NCOA5: variants seen among roughly 807,000 people sequenced by gnomAD.
The protein encoded by NCOA5 is nuclear receptor coactivator 5, also known as NCoA-5.
In NCOA5, 12 loss-of-function variants were observed where a neutral mutation model predicts 59.0. The ratio of observed to expected loss-of-function variants is 0.20; its 90% CI spans 0.13 to 0.33. NCOA5 has a LOEUF of 0.33. Ranked by LOEUF, NCOA5 falls within the 10% of genes least tolerant of loss-of-function variation. The pLI, the probability that NCOA5 is intolerant of heterozygous loss-of-function variation, is 1.00. For missense variants in NCOA5, 655 were observed against 766.6 expected (o/e 0.85, Z 1.72); for synonymous variants, 270 against 275.5 (o/e 0.98, Z 0.20).
In NCOA5 at chr20:46,065,186, G is replaced by A. The variant is rs1790421155; in HGVS notation, c.672C>T (p.Gly224=). The change falls in exon 6 of 8, where the codon GGC becomes GGT. Residue 224 remains glycine, a synonymous_variant. Transcript: ENST00000290231. ...TAAGGAAGATCAAGTCCACTACCAT[G>A]CCCAGGTCTCGCACCTTCCGCCCCA... ...ESVGRKVRDL[G]MVVDLIFLNT... 1 of 1,614,150 alleles carries A rather than the reference G, an allele frequency of 6.2e-7. No homozygotes were observed. The highest frequency in any genetic ancestry group is 8.5e-7 in the Non-Finnish European group (1 of 1,180,026).
rs765493569 is a variant in NCOA5, at chr20:46,062,834, C to T, written c.1206G>A (p.Gln402=). The T allele has an allele frequency of 1.9e-5, 29 of 1,535,764 alleles. No individual in the cohort carries two copies. In the South Asian group the frequency reaches 3.2e-4, roughly 17 times the overall value. Residue 402 remains glutamine (Q), a synonymous_variant, in exon 8 of 8, where the codon CAG becomes CAA. Coordinates refer to ENST00000290231, the MANE Select transcript of NCOA5 (RefSeq NM_020967.3). ...CGCTCTGGAGCGGTTGGGAGCTTGG[C>T]TGTGTCTTCAGCGAGGCACCCGAGG... is the stretch of plus-strand genomic sequence containing the variant. ...GATSGASLKT[Q]PSSQPLQSGQ...
At chr20:46,063,282 T>G in intron 7 of NCOA5, 78 bp downstream of exon 7, 2 of 1,479,950 alleles carry the variant, frequency 1.4e-6, no homozygotes, top group Non-Finnish European at 1.8e-6. Context: ...GCCCTGGGCC[T>G]GACACCCTCC....
chr20:46,081,528 A>T (rs565965665), intron 1 of NCOA5, among the ~76,000 whole-genome samples: 1 of 152,266 alleles, frequency 6.6e-6, no homozygotes, highest in African/African-American at 2.4e-5. Context: ...ATTCAAGATT[A>T]TATCTTTAAA....
chr20:46,084,529 T>C (rs1173047673), intron 1 of NCOA5, among the ~76,000 whole-genome samples: 1 of 152,222 alleles, frequency 6.6e-6, no homozygotes, highest in Non-Finnish European at 1.5e-5. Context: ...GGGTTTGCTA[T>C]TAACATTCAC....
intron 2 of NCOA5, among the ~76,000 whole-genome samples, chr20:46,079,152 C>T (rs1474322530): frequency 6.6e-6 from 1 of 152,160 alleles, no homozygotes; most frequent in African/African-American, 2.4e-5. Flanking sequence ...GCCTGCAACT[C>T]ATGTTGCAAG....
chr20:46,083,777 T>C (rs1460257387), intron 1 of NCOA5, among the ~76,000 whole-genome samples: 1 of 152,198 alleles, frequency 6.6e-6, no homozygotes, highest in East Asian at 1.9e-4. Context: ...ATATCACACA[T>C]TAAATCCCCC....
rs1203014831 is a variant in NCOA5 at position 46,068,961 on chromosome 20, TTTATTA to T, written c.366-329_366-324del. Among the ~76,000 whole-genome samples the T allele has an allele frequency of 2.6e-5, 4 of 152,110 alleles. 1 individual carries two copies. The highest frequency in any genetic ancestry group is 5.9e-5 in the Non-Finnish European group (4 of 68,016). ...ACAATAATTTGCCATTTTAACAATTTTTATTATTATTATTATTTTTTTTTTAGTAGA... is the reference window on the plus strand; with the variant it reads ...ACAATAATTTGCCATTTTAACAATTTTTATTATTATTTTTTTTTTAGTAGA... On this transcript the variant is annotated intron_variant, in intron 3 of 7. Coordinates refer to ENST00000290231, the MANE Select transcript of NCOA5 (RefSeq NM_020967.3).
rs1347452643 is a variant in NCOA5, at chr20:46,068,570, A to G, written c.434T>C (p.Phe145Ser). 5 of 1,613,732 alleles carry G rather than the reference A, an allele frequency of 3.1e-6. No homozygotes were observed. The African/African-American group carries it at 6.7e-5, about 22-fold the overall frequency. ...DYCRRKDDSY[F>S]DRYRDSFDGR... ...ATCAAAGCTATCTCTGTAACGGTCA[A>G]AATAAGAGTCATCCTTTCTCCTGCA... The change falls in exon 4 of 8, where the codon TTT (phenylalanine) becomes TCT (serine). Residue 145 changes from phenylalanine (F) to serine (S), a missense_variant. By Grantham distance (155) the Phe-to-Ser change is radical. Coordinates refer to ENST00000290231, the MANE Select transcript of NCOA5 (RefSeq NM_020967.3).
At chr20:46,071,088 C>T (rs192744432) in intron 2 of NCOA5, among the ~76,000 whole-genome samples, 1 of 151,592 alleles carries the variant, frequency 6.6e-6, no homozygotes, top group East Asian at 1.9e-4. Context: ...GTATTGGTAT[C>T]TCTCAATCTG....
chr20:46,077,482 T>A (rs1240575966), intron 2 of NCOA5, among the ~76,000 whole-genome samples: 1 of 152,178 alleles, frequency 6.6e-6, no homozygotes, highest in African/African-American at 2.4e-5. Context: ...CCCTTCTCAA[T>A]CCATAACAGA....
At chr20:46,082,925 C>G (rs1007076454) in intron 1 of NCOA5, among the ~76,000 whole-genome samples, 2 of 152,186 alleles carry the variant, frequency 1.3e-5, no homozygotes, top group African/African-American at 4.8e-5. Context: ...ATATGCCAGA[C>G]AGGGGTCACA....
chr20:46,062,621 A>G lies in NCOA5; in HGVS notation c.1419T>C (p.Pro473=), dbSNP rs375971109. 2 of 1,614,134 alleles carry G rather than the reference A, an allele frequency of 1.2e-6. No homozygotes were observed. The highest frequency in any genetic ancestry group is 4.5e-5 in the East Asian group (2 of 44,872). Reference sequence around the variant, plus strand: ...TGCCAGAAGCCTGTGATCTTTGTTGAGGCTGGCTGTTTGCTGCTGTGGAAA... The same window carrying G: ...TGCCAGAAGCCTGTGATCTTTGTTGGGGCTGGCTGTTTGCTGCTGTGGAAA... ...QNFSTAANSQ[P]QQRSQASGNQ... is the part of the protein sequence containing the mutation. Residue 473 remains proline (P), a synonymous_variant, in exon 8 of 8, where the codon CCT becomes CCC. Transcript: ENST00000290231.
Position 46,062,600 on chromosome 20 carries a change from A to G in NCOA5, c.1440T>C (p.Ser480=). 4 of 1,614,256 alleles carry G rather than the reference A, an allele frequency of 2.5e-6. No homozygotes were observed. The highest frequency in any genetic ancestry group is 3.4e-6 in the Non-Finnish European group (4 of 1,180,042). Residue 480 remains serine, a synonymous_variant, in exon 8 of 8, where the codon TCT becomes TCC. Transcript: ENST00000290231. ...NSQPQQRSQA[S]GNQPPSILGQ... is the part of the protein sequence containing the mutation. ...CCAAAATGCTTGGAGGCTGATTGCCAGAAGCCTGTGATCTTTGTTGAGGCT... is the reference window on the plus strand; with the variant it reads ...CCAAAATGCTTGGAGGCTGATTGCCGGAAGCCTGTGATCTTTGTTGAGGCT...
intron 2 of NCOA5, among the ~76,000 whole-genome samples, chr20:46,078,444 G>A (rs1247119725): frequency 1.3e-5 from 2 of 152,194 alleles, no homozygotes; most frequent in Non-Finnish European, 2.9e-5. Context: ...GCACTGTCCA[G>A]TTCACTGTAG....
At chr20:46,065,702 T>C (rs895852361) in intron 5 of NCOA5, among the ~76,000 whole-genome samples, 3 of 152,172 alleles carry the variant, frequency 2.0e-5, no homozygotes, top group Admixed American at 2.0e-4. Flanking sequence ...GTAACATGGC[T>C]CAGTTCATAC....
chr20:46,061,520 G>A lies in NCOA5; in HGVS notation c.*780C>T, dbSNP rs2084762339. The A allele has an allele frequency of 6.6e-6, 1 of 152,612 alleles. No homozygotes were observed. Among genetic ancestry groups the A allele is most frequent in the African/African-American group, 2.4e-5 (1 of 41,416 alleles). 9.5% of individuals were successfully genotyped at this position (152,612 alleles called of 1,614,324 possible). A position where few individuals can be genotyped will look rare whatever the true frequency, so the allele number is the denominator to read the frequency against. On this transcript the variant is annotated 3_prime_UTR_variant, in exon 8 of 8. Transcript: ENST00000290231. ...GCCAGAGTCTCAGAACCAACTTCAT[G>A]GAAGTGCTGCTGGAGAGGGGGATGC...
intron 3 of NCOA5, among the ~76,000 whole-genome samples, chr20:46,069,524 T>A (rs1041249962): frequency 6.6e-6 from 1 of 152,144 alleles, no homozygotes; most frequent in African/African-American, 2.4e-5. Context: ...TACCTTGAGC[T>A]CAGGAGTTCA....
At chr20:46,073,340 CTT>C (rs2084904554) in intron 2 of NCOA5, among the ~76,000 whole-genome samples, 2 of 152,326 alleles carry the variant, frequency 1.3e-5, no homozygotes, top group South Asian at 4.1e-4. Flanking sequence ...GCATTCCTGA[CTT>C]GTGAGAGCAA....
In NCOA5 at chr20:46,068,490, C is replaced by G; in HGVS notation, c.502+12G>C. 6.2e-7 allele frequency: 1 copy of G among 1,607,054 alleles called. No homozygotes were observed. The highest frequency in any genetic ancestry group is 2.2e-5 in the East Asian group (1 of 44,786). ...TATCAATAATAGGAATAGACTGTTT[C>G]AGCTACTTTACCTTTTGCACGAGAC... On this transcript the variant is annotated intron_variant, in intron 4 of 7. Coordinates refer to ENST00000290231, the MANE Select transcript of NCOA5 (RefSeq NM_020967.3).
Sources: gnomAD v4.1 joint callset for allele counts (sites outside exome capture counted in the v4.1 genomes callset) on GRCh38, gnomAD v4.1.1 for gene constraint, MANE v1.5 for transcripts, NCBI Gene and HGNC (gene_info 2026-07-23, HGNC 2026-07-21) for gene names.